CACNA1I: variants seen among roughly 807,000 people sequenced by gnomAD.
The protein encoded by CACNA1I is calcium voltage-gated channel subunit alpha1 I.
A neutral mutation model predicts 201.6 loss-of-function variants in CACNA1I; 74 were observed. The ratio of observed to expected loss-of-function variants is 0.37; its 90% confidence interval spans 0.30 to 0.45. CACNA1I has a LOEUF of 0.45. Among genes scored for constraint, CACNA1I ranks in the 20% least tolerant of loss-of-function variants. The pLI is 1.00. For missense variants in CACNA1I, 2,346 were observed against 3,138.1 expected (o/e 0.75, Z 6.03); for synonymous variants, 1,431 against 1,345.2 (o/e 1.06, Z -1.40).
intron 31 of CACNA1I, among the ~76,000 whole-genome samples, chr22:39,678,697 T>C (rs1935589182): frequency 6.6e-6 from 1 of 152,148 alleles, no homozygotes; most frequent in Non-Finnish European, 1.5e-5. Context: ...TGATGGAGTC[T>C]TCTTGGGCTT....
At position 39,684,719 on chromosome 22, in the gene CACNA1I, G is replaced by C; in HGVS notation, c.6027+221G>C. ...GCGGGGCTGGGTCCTGGGGACAGCA[G>C]AGTGTGGGGAGGACCCCAAGGCGGG... On this transcript the variant is annotated intron_variant, in intron 36 of 36. Coordinates refer to ENST00000402142, the MANE Select transcript of CACNA1I (RefSeq NM_021096.4). This position sits in a 1 kb window ranked among gnomAD's most constrained non-coding sequence, Gnocchi z 4.6. 1 of 610,570 alleles carries C rather than the reference G, an allele frequency of 1.6e-6. No individual in the cohort carries two copies. The highest frequency in any genetic ancestry group is 2.0e-5 in the South Asian group (1 of 50,902). The allele number at this position is 610,570 out of a possible 1,614,324, so 37.8% of individuals were successfully genotyped here. A position where few individuals can be genotyped will look rare whatever the true frequency, so the allele number is the denominator to read the frequency against.
Position 39,673,944 on chromosome 22 carries a change from G to GGCTGGGTCTCGCCCGCAGT in CACNA1I, c.4784-14_4788dup. On this transcript the variant is annotated intron_variant, in intron 28 of 36. Coordinates refer to ENST00000402142, the MANE Select transcript of CACNA1I (RefSeq NM_021096.4). The stretch of plus-strand genomic sequence containing the variant: ...CACCGGCCTGGGGCTGAGTGGGCAG[G>GGCTGGGTCTCGCCCGCAGT]GCTGGGTCTCGCCCGCAGTGCTGAA... The GGCTGGGTCTCGCCCGCAGT allele has an allele frequency of 6.2e-7, 1 of 1,611,192 alleles. No homozygotes were observed. Among genetic ancestry groups the GGCTGGGTCTCGCCCGCAGT allele is most frequent in the Non-Finnish European group, 8.5e-7 (1 of 1,179,592 alleles).
At chr22:39,591,018 AT>A (rs1176086064) in intron 1 of CACNA1I, among the ~76,000 whole-genome samples, 134 of 146,950 alleles carry the variant, frequency 9.1e-4, no homozygotes, top group South Asian at 1.3e-3. Flanking sequence ...TAATTAAAAA[AT>A]TTTTTTTTTT....
chr22:39,664,165 TC>T lies in CACNA1I; in HGVS notation c.3666+9del. ...TGGGCGAGATGACATTGAAGGTAGCTCCCGGTTTCACCCGGGACCCCTGCTA... is the reference window on the plus strand; with the variant it reads ...TGGGCGAGATGACATTGAAGGTAGCTCCGGTTTCACCCGGGACCCCTGCTA... On this transcript the variant is annotated splice_region_variant and intron_variant, in intron 20 of 36. Coordinates refer to ENST00000402142, the MANE Select transcript of CACNA1I (RefSeq NM_021096.4). 6.2e-7 allele frequency: 1 copy of T among 1,611,684 alleles called. No individual in the cohort carries two copies. Among genetic ancestry groups the T allele is most frequent in the Non-Finnish European group, 8.5e-7 (1 of 1,178,802 alleles).
At position 39,571,330 on chromosome 22, in the gene CACNA1I, G is replaced by A. The variant is rs746988902; in HGVS notation, c.236+342G>A. Among the ~76,000 whole-genome samples, 8 of 152,140 alleles carry A rather than the reference G, an allele frequency of 5.3e-5. No homozygotes were observed. In the East Asian group the frequency reaches 9.6e-4, roughly 18 times the overall value. On this transcript the variant is annotated intron_variant, in intron 1 of 36. Transcript: ENST00000402142. ...AGACTCTGGAGCCACCTGATGGGCC[G>A]TGACCATACAGAGGATGGGAGCCGT...
chr22:39,642,698 G>A (rs764170749), intron 6 of CACNA1I, 99 bp from the exon 7 acceptor site: 184 of 762,328 alleles, frequency 2.4e-4, no homozygotes, highest in Non-Finnish European at 3.6e-4. Flanking sequence ...TGTGTGATGC[G>A]TTCTGGCACA....
intron 1 of CACNA1I, among the ~76,000 whole-genome samples, chr22:39,586,619 C>G (rs762551655): frequency 6.6e-6 from 1 of 152,192 alleles, no homozygotes; most frequent in Admixed American, 6.5e-5. Context: ...CTGGCACATG[C>G]GAGTGAGAAT....
intron 5 of CACNA1I, among the ~76,000 whole-genome samples, chr22:39,639,374 C>T (rs1382654748): frequency 6.6e-6 from 1 of 152,180 alleles, no homozygotes; most frequent in Non-Finnish European, 1.5e-5. Context: ...TTTTCCTTTA[C>T]AAAACTTGGA....
At chr22:39,636,306 G>C (rs559699393) in intron 5 of CACNA1I, among the ~76,000 whole-genome samples, 58 of 152,332 alleles carry the variant, frequency 3.8e-4, no homozygotes, top group African/African-American at 1.3e-3. Flanking sequence ...ATGTGCTTGG[G>C]CTGTGTTAAA....
intron 3 of CACNA1I, among the ~76,000 whole-genome samples, chr22:39,607,903 G>GT (rs386395421): frequency 2.0e-5 from 3 of 150,982 alleles, no homozygotes; most frequent in South Asian, 2.1e-4. Flanking sequence ...GGCGGGGGGG[G>GT]GTCACCTGAG....
intron 1 of CACNA1I, among the ~76,000 whole-genome samples, chr22:39,575,637 C>G (rs371731523): frequency 6.6e-6 from 1 of 152,138 alleles, no homozygotes; most frequent in Non-Finnish European, 1.5e-5. Flanking sequence ...GCCATGCCCC[C>G]CATCAGTGCA....
intron 1 of CACNA1I, among the ~76,000 whole-genome samples, chr22:39,594,785 G>A (rs530226375): frequency 5.9e-5 from 9 of 152,090 alleles, no homozygotes; most frequent in African/African-American, 1.7e-4. Context: ...CTGAGTCCCC[G>A]GATGTTGGAG....
Position 39,646,794 on chromosome 22 carries a change from G to C in CACNA1I, c.1375G>C (p.Ala459Pro), listed in dbSNP as rs1158411726. 2.6e-6 allele frequency: 4 copies of C among 1,561,264 alleles called. No individual in the cohort carries two copies. Among genetic ancestry groups the C allele is most frequent in the Non-Finnish European group, 3.5e-6 (4 of 1,153,264 alleles). The change falls in exon 8 of 37, where the codon GCC (alanine) becomes CCC (proline). Residue 459 changes from alanine (A) to proline (P), a missense_variant. By Grantham distance (27) the Ala-to-Pro change is conservative. This residue lies in a region of CACNA1I where 312 missense variants were observed against 331.5 expected (regional missense o/e 0.94). Transcript: ENST00000402142. ...AKRRALGLYQ[A>P]LQSRRQALGP... The stretch of plus-strand genomic sequence containing the variant: ...GCGCCGCGCCCTGGGCCTCTACCAG[G>C]CCCTGCAGAGCCGGCGCCAGGCCCT...
Position 39,685,760 on chromosome 22 carries a change from G to T in CACNA1I, c.6028-1G>T. ...CCTCCACGGCTCCCACCTCCCCCCA[G>T]GCCACCGGGAGCGACACGTCGCTGG... On this transcript the variant is annotated splice_acceptor_variant, in intron 36 of 36. Coordinates refer to ENST00000402142, the MANE Select transcript of CACNA1I (RefSeq NM_021096.4). LOFTEE classifies it high-confidence loss of function. This position sits in a 1 kb window ranked among gnomAD's most constrained non-coding sequence, Gnocchi z 5.0. The T allele has an allele frequency of 6.8e-7, 1 of 1,478,300 alleles. No homozygotes were observed. Among genetic ancestry groups the T allele is most frequent in the Non-Finnish European group, 8.9e-7 (1 of 1,122,196 alleles). 91.6% of individuals were successfully genotyped at this position (1,478,300 alleles called of 1,614,324 possible).
chr22:39,642,804 C>A lies in CACNA1I; in HGVS notation c.1064C>A (p.Thr355Asn). The change falls in exon 7 of 37, where the codon ACT (threonine) becomes AAT (asparagine). Residue 355 changes from threonine (T) to asparagine (N), a missense_variant. Transcript: ENST00000402142. ...CTCCTCTGCGCGCTGCAGGTGATCA[C>A]TCTGGAAGGCTGGGTGGAGATCATG... ...YAWIVIFQVI[T>N]LEGWVEIMYY... is the part of the protein sequence containing the mutation. 1 of 1,609,480 alleles carries A rather than the reference C, an allele frequency of 6.2e-7. No homozygotes were observed. The highest frequency in any genetic ancestry group is 8.5e-7 in the Non-Finnish European group (1 of 1,177,618).
intron 4 of CACNA1I, among the ~76,000 whole-genome samples, chr22:39,625,593 A>G (rs1051126870): frequency 2.0e-5 from 3 of 152,216 alleles, no homozygotes; most frequent in Non-Finnish European, 4.4e-5. Flanking sequence ...GGTGCTGCTT[A>G]CAGAATCGTA....
intron 4 of CACNA1I, among the ~76,000 whole-genome samples, chr22:39,633,382 A>G (rs1025768774): frequency 6.6e-6 from 1 of 152,118 alleles, no homozygotes; most frequent in African/African-American, 2.4e-5. Context: ...TATGGATGGA[A>G]CCTCCTAGGT....
At chr22:39,613,251 C>G (rs1372343104) in intron 3 of CACNA1I, among the ~76,000 whole-genome samples, 2 of 152,038 alleles carry the variant, frequency 1.3e-5, no homozygotes, top group Non-Finnish European at 2.9e-5. Flanking sequence ...ACAGGGAATC[C>G]ACCTCTAAGT....
chr22:39,646,856 C>A lies in CACNA1I; in HGVS notation c.1437C>A (p.Pro479=). The change falls in exon 8 of 37, where the codon CCC becomes CCA. Residue 479 remains proline, a synonymous_variant. Transcript: ENST00000402142. The stretch of plus-strand genomic sequence containing the variant: ...CCCCGGCCCCCGCCAAACCTGGGCC[C>A]CACGCCAAGGAGCCCCGGCACTACC... ...PEAPAPAKPG[P]HAKEPRHYHG... is the part of the protein sequence containing the mutation. The A allele has an allele frequency of 6.6e-7, 1 of 1,515,810 alleles. No individual in the cohort carries two copies. Among genetic ancestry groups the A allele is most frequent in the South Asian group, 1.3e-5 (1 of 79,372 alleles). The allele number at this position is 1,515,810 out of a possible 1,614,324, so 93.9% of individuals were successfully genotyped here.
Sources: gnomAD v4.1 joint callset for allele counts (sites outside exome capture counted in the v4.1 genomes callset) on GRCh38, gnomAD v4.1.1 for gene constraint, gnomAD v4.1.1 regional missense constraint, Gnocchi (gnomAD v3.1) non-coding constraint, MANE v1.5 for transcripts, NCBI Gene and HGNC (gene_info 2026-07-23, HGNC 2026-07-21) for gene names.